Variants in CCDC6 observed in about 807,000 individuals in gnomAD.
CCDC6 encodes the protein coiled-coil domain containing 6, also known as coiled-coil domain-containing protein 6.
CCDC6 carries 20 observed loss-of-function variants against 56.6 expected under a neutral mutation model. The observed-to-expected ratio is 0.35, with a 90% CI of 0.25 to 0.51. CCDC6 has a LOEUF of 0.51. Among genes scored for constraint, CCDC6 ranks in the 20% least tolerant of loss-of-function variants. The pLI, the probability that CCDC6 is intolerant of heterozygous loss-of-function variation, is 0.95. For missense variants in CCDC6, 367 were observed against 601.1 expected (o/e 0.61, Z 4.07); for synonymous variants, 241 against 234.4 (o/e 1.03, Z -0.26).
At chr10:59,834,801 T>C (rs921500833) in intron 2 of CCDC6, among the ~76,000 whole-genome samples, 13 of 152,076 alleles carry the variant, frequency 8.5e-5, no homozygotes, top group Non-Finnish European at 1.9e-4. Context: ...CAAGCAGCAA[T>C]TAAAAGAACT....
intron 3 of CCDC6, among the ~76,000 whole-genome samples, chr10:59,830,211 T>C (rs142592454): frequency 7.9e-5 from 12 of 152,314 alleles, no homozygotes; most frequent in African/African-American, 2.6e-4. Context: ...TGATAAGGCA[T>C]AGTGTAGTGC....
chr10:59,902,239 C>A (rs1444561419), intron 1 of CCDC6, among the ~76,000 whole-genome samples: 1 of 152,146 alleles, frequency 6.6e-6, no homozygotes, highest in Non-Finnish European at 1.5e-5. Flanking sequence ...TAGCCGCTTA[C>A]ATACCAGAAG....
chr10:59,796,890 G>T (rs2070524580), intron 7 of CCDC6, among the ~76,000 whole-genome samples: 1 of 150,832 alleles, frequency 6.6e-6, no homozygotes, highest in Non-Finnish European at 1.5e-5. Context: ...AGAATGGCAT[G>T]AACTCGGGAG....
chr10:59,804,363 T>C (rs986892651), intron 7 of CCDC6, 57 bp downstream of exon 7: 89 of 947,814 alleles, frequency 9.4e-5, no homozygotes, highest in Admixed American at 3.7e-4. Context: ...ACAGTCAGGG[T>C]TGCCTATTCA....
chr10:59,880,589 C>G (rs533113607), intron 1 of CCDC6, among the ~76,000 whole-genome samples: 6 of 152,228 alleles, frequency 3.9e-5, no homozygotes, highest in African/African-American at 1.2e-4. Context: ...TACACATGTG[C>G]CTTCAATCTG....
intron 1 of CCDC6, among the ~76,000 whole-genome samples, chr10:59,887,690 A>T (rs2071393204): frequency 6.6e-6 from 1 of 152,176 alleles, no homozygotes; most frequent in Non-Finnish European, 1.5e-5. Context: ...TATCATATGT[A>T]CTCACAAATG....
intron 1 of CCDC6, among the ~76,000 whole-genome samples, chr10:59,900,058 G>C (rs959625179): frequency 5.3e-5 from 8 of 152,218 alleles, no homozygotes; most frequent in African/African-American, 1.9e-4. Flanking sequence ...ACATACCCGT[G>C]CCTCTGGAGC....
intron 2 of CCDC6, among the ~76,000 whole-genome samples, chr10:59,849,078 C>T (rs754985112): frequency 2.0e-4 from 31 of 152,254 alleles, no homozygotes; most frequent in Non-Finnish European, 2.2e-4. Context: ...TTACAAATAA[C>T]GATTAAAGCA....
At position 59,867,482 on chromosome 10, in the gene CCDC6, A is replaced by G. The variant is rs549158336; in HGVS notation, c.304-14780T>C. ...TTGGAGGCTTCATATGTATGATAAA[A>G]CCGCAGTCTCCACAACTCCTTAACA... On this transcript the variant is annotated intron_variant, in intron 1 of 8. Transcript: ENST00000263102. Among the ~76,000 whole-genome samples the G allele has an allele frequency of 3.3e-5, 5 of 152,322 alleles. No individual in the cohort carries two copies. The South Asian group carries it at 1.0e-3, about 32-fold the overall frequency.
intron 3 of CCDC6, among the ~76,000 whole-genome samples, chr10:59,823,036 C>G (rs1409153001): frequency 6.6e-6 from 1 of 152,154 alleles, no homozygotes; most frequent in African/African-American, 2.4e-5. Context: ...GGGAAGATTA[C>G]CTACCTGCCC....
intron 1 of CCDC6, among the ~76,000 whole-genome samples, chr10:59,877,525 T>G (rs570428071): frequency 2.2e-4 from 33 of 151,988 alleles, no homozygotes; most frequent in Non-Finnish European, 4.1e-4. Context: ...TCTGCACCAG[T>G]GGAAACCCGC....
intron 6 of CCDC6, 138 bp downstream of exon 6, chr10:59,806,784 C>T (rs547745644): frequency 5.9e-5 from 37 of 624,810 alleles, no homozygotes; most frequent in South Asian, 5.1e-4. Context: ...TCTACTATAA[C>T]GCAGTGGCAT....
At chr10:59,860,717 T>C (rs1309578941) in intron 1 of CCDC6, among the ~76,000 whole-genome samples, 2 of 152,094 alleles carry the variant, frequency 1.3e-5, no homozygotes, top group Non-Finnish European at 1.5e-5. Flanking sequence ...CAATCCCATA[T>C]ACATGACCTA....
At chr10:59,860,079 C>G (rs1414981618) in intron 1 of CCDC6, among the ~76,000 whole-genome samples, 3 of 152,140 alleles carry the variant, frequency 2.0e-5, no homozygotes, top group Non-Finnish European at 4.4e-5. Context: ...GAGATTCTGT[C>G]TTGAAATAAA....
chr10:59,868,681 A>G (rs1011871595), intron 1 of CCDC6, among the ~76,000 whole-genome samples: 6 of 152,214 alleles, frequency 3.9e-5, no homozygotes, highest in African/African-American at 1.4e-4. Flanking sequence ...CCTAAGCGTT[A>G]CAAACAATAT....
intron 1 of CCDC6, among the ~76,000 whole-genome samples, chr10:59,899,867 G>A (rs1482553616): frequency 1.4e-5 from 2 of 145,596 alleles, no homozygotes; most frequent in African/African-American, 2.4e-5. Context: ...AAAGCTAGAA[G>A]GCAAGGGCAC....
Position 59,792,380 on chromosome 10 carries a change from A to T in CCDC6, c.*537T>A. 5.0e-6 allele frequency: 2 copies of T among 398,632 alleles called. No homozygotes were observed. Among genetic ancestry groups the T allele is most frequent in the Non-Finnish European group, 9.5e-6 (2 of 211,064 alleles). 24.7% of individuals were successfully genotyped at this position (398,632 alleles called of 1,614,324 possible). On this transcript the variant is annotated 3_prime_UTR_variant, in exon 9 of 9. Transcript: ENST00000263102. The stretch of plus-strand genomic sequence containing the variant: ...GTATCTGTAGAAAGTTCTGTTAAAC[A>T]GAAAATATGTCTTGGGCACTGATTC...
At chr10:59,882,013 GAAAGGAAAGCCGC>G in intron 1 of CCDC6, among the ~76,000 whole-genome samples, 1 of 67,756 alleles carries the variant, frequency 1.5e-5, no homozygotes, top group Non-Finnish European at 2.9e-5. Context: ...TGGGGAGAAG[GAAAGGAAAGCCGC>G]GGGGAGAAGG....
intron 1 of CCDC6, among the ~76,000 whole-genome samples, chr10:59,894,480 T>G (rs777649207): frequency 6.6e-5 from 10 of 152,194 alleles, no homozygotes; most frequent in Non-Finnish European, 1.3e-4. Context: ...CTGGATTGAA[T>G]CAGGGGCCCA....
Sources: allele counts gnomAD v4.1 joint callset (sites outside exome capture counted in the v4.1 genomes callset), GRCh38; gene constraint gnomAD v4.1.1; transcripts MANE v1.5; gene names NCBI Gene and HGNC (gene_info 2026-07-23, HGNC 2026-07-21).